Variants in MNAT1 observed in about 807,000 individuals in gnomAD.
MNAT1 encodes CDK-activating kinase assembly factor MAT1.
Under a neutral mutation model 42.0 loss-of-function variants are expected in MNAT1, and 43 were observed. The observed-to-expected ratio is 1.02, with a 90% confidence interval of 0.80 to 1.32. The LOEUF is 1.32. MNAT1 is among the 40% of genes most tolerant of loss of function. MNAT1 has a pLI of 0.00. For synonymous variants in MNAT1, 118 were observed against 120.0 expected (o/e 0.98, Z 0.11); for missense variants, 306 against 350.4 (o/e 0.87, Z 1.01).
At chr14:60,934,402 G>T (rs1045055688) in intron 7 of MNAT1, among the ~76,000 whole-genome samples, 3 of 152,168 alleles carry the variant, frequency 2.0e-5, no homozygotes, top group Non-Finnish European at 4.4e-5. Flanking sequence ...ACCATGATAT[G>T]GTTTGGCTGT....
intron 1 of MNAT1, among the ~76,000 whole-genome samples, chr14:60,758,793 C>T (rs537267132): frequency 3.3e-5 from 5 of 152,200 alleles, no homozygotes; most frequent in East Asian, 3.9e-4. Context: ...CTAGAAGTGT[C>T]GCTTTGAAAG....
At chr14:60,852,020 A>T (rs1463049457) in intron 6 of MNAT1, among the ~76,000 whole-genome samples, 1 of 152,106 alleles carries the variant, frequency 6.6e-6, no homozygotes, top group Non-Finnish European at 1.5e-5. Flanking sequence ...ATACGTGTGC[A>T]TGTGTCTTTA....
At chr14:60,944,806 G>C (rs936855441) in intron 7 of MNAT1, among the ~76,000 whole-genome samples, 3 of 152,144 alleles carry the variant, frequency 2.0e-5, no homozygotes, top group Non-Finnish European at 4.4e-5. Flanking sequence ...TTTTCTAGGA[G>C]AAATTATCTC....
rs2034377959 is a variant in MNAT1, at chr14:60,873,714, T to C, written c.688-6000T>C. On this transcript the variant is annotated intron_variant, in intron 6 of 7. Transcript: ENST00000261245. Reference sequence around the variant, plus strand: ...TCAAGCACCTGGGCTCAAACTATCATCCCACCTTGATCTTTCAAAATGTTA... The same window carrying C: ...TCAAGCACCTGGGCTCAAACTATCACCCCACCTTGATCTTTCAAAATGTTA... 3.3e-5 allele frequency among the ~76,000 whole-genome samples: 5 copies of C among 151,100 alleles called. No homozygotes were observed. The Admixed American group carries it at 3.3e-4, about 10-fold the overall frequency.
chr14:60,783,793 C>T (rs1013448396), intron 1 of MNAT1, among the ~76,000 whole-genome samples: 2 of 152,096 alleles, frequency 1.3e-5, no homozygotes, highest in Admixed American at 6.6e-5. Context: ...TGAGCCACCG[C>T]GCCCGGCCTT....
intron 7 of MNAT1, among the ~76,000 whole-genome samples, chr14:60,900,442 A>T (rs914510678): frequency 6.6e-6 from 1 of 152,222 alleles, no homozygotes; most frequent in African/African-American, 2.4e-5. Context: ...CAATCCCTTA[A>T]ACCAAAGCCT....
At chr14:60,860,353 T>TC (rs1454054643) in intron 6 of MNAT1, among the ~76,000 whole-genome samples, 1 of 50,158 alleles carries the variant, frequency 2.0e-5, no homozygotes, top group Non-Finnish European at 4.8e-5. Context: ...CTTTTTCTTT[T>TC]CTTTTTTTTT....
chr14:60,903,046 A>G (rs1283672965), intron 7 of MNAT1, among the ~76,000 whole-genome samples: 2 of 151,966 alleles, frequency 1.3e-5, no homozygotes, highest in Admixed American at 6.6e-5. Flanking sequence ...GACCAAGTAT[A>G]ATTCTAATAA....
chr14:60,920,920 C>G (rs1037415972), intron 7 of MNAT1, among the ~76,000 whole-genome samples: 1 of 152,164 alleles, frequency 6.6e-6, no homozygotes, highest in Non-Finnish European at 1.5e-5. Flanking sequence ...TTCAACCTTT[C>G]AAATGTAAAA....
At position 60,968,480 on chromosome 14, in the gene MNAT1, A is replaced by C. The variant is rs2036724185; in HGVS notation, c.*131A>C. 2 of 1,510,004 alleles carry C rather than the reference A, an allele frequency of 1.3e-6. No individual in the cohort carries two copies. The highest frequency in any genetic ancestry group is 1.4e-5 in the African/African-American group (1 of 71,498). 93.5% of individuals were successfully genotyped at this position (1,510,004 alleles called of 1,614,324 possible). ...TAGCAGCTGTGTTAAAGTATTTATA[A>C]GGAGAAAATTTCAGAACTAAGTTGA... is the stretch of plus-strand genomic sequence containing the variant. On this transcript the variant is annotated 3_prime_UTR_variant, in exon 8 of 8. Transcript: ENST00000261245.
intron 6 of MNAT1, among the ~76,000 whole-genome samples, chr14:60,874,870 G>A (rs993174375): frequency 1.3e-5 from 2 of 152,046 alleles, no homozygotes; most frequent in Admixed American, 1.3e-4. Flanking sequence ...GACCTGTTAA[G>A]CCATTATCTG....
rs1297936490 is a variant in MNAT1 at position 60,911,477 on chromosome 14, C to G, written c.809+31642C>G. ...TGGGCACTTAGTGCTATAAAGTTCC[C>G]TCTACACACTGCTTTGAATGTGTCC... On this transcript the variant is annotated intron_variant, in intron 7 of 7. Coordinates refer to ENST00000261245, the MANE Select transcript of MNAT1 (RefSeq NM_002431.4). 5.3e-5 allele frequency among the ~76,000 whole-genome samples: 8 copies of G among 152,192 alleles called. No individual in the cohort carries two copies. The East Asian group carries it at 1.5e-3, about 29-fold the overall frequency.
chr14:60,749,675 A>T (rs1436025457), intron 1 of MNAT1, among the ~76,000 whole-genome samples: 1 of 151,758 alleles, frequency 6.6e-6, no homozygotes, highest in Non-Finnish European at 1.5e-5. Flanking sequence ...TACTCTATAA[A>T]GAGTTATTTT....
Position 60,787,780 on chromosome 14 carries a change from T to G in MNAT1, c.90-8437T>G, listed in dbSNP as rs150837632. Among the ~76,000 whole-genome samples the G allele has an allele frequency of 5.1e-3, 780 of 152,266 alleles. 14 individuals carry two copies. The highest frequency in any genetic ancestry group is 0.018 in the African/African-American group (732 of 41,550). On this transcript the variant is annotated intron_variant, in intron 1 of 7. Transcript: ENST00000261245. ...CTAAGAAGCCCAAACTCCTCATTTG[T>G]TCAAGTTTGATCATGAGATTGCAGC...
intron 7 of MNAT1, among the ~76,000 whole-genome samples, chr14:60,922,277 G>A (rs994309460): frequency 1.9e-4 from 29 of 152,108 alleles, no homozygotes; most frequent in Admixed American, 1.6e-3. Flanking sequence ...TTAATAAGTA[G>A]TTTTCTATTG....
intron 7 of MNAT1, among the ~76,000 whole-genome samples, chr14:60,937,053 A>G (rs10467811): frequency 0.92 from 138,725 of 150,800 alleles, 64,330 homozygotes; most frequent in Non-Finnish European, 0.99. Context: ...CATATCCTTC[A>G]CCCACTTGTT....
intron 6 of MNAT1, among the ~76,000 whole-genome samples, chr14:60,819,454 A>G (rs1351041845): frequency 6.6e-6 from 1 of 151,748 alleles, no homozygotes; most frequent in Non-Finnish European, 1.5e-5. Flanking sequence ...TAATATTTAG[A>G]TGTTTGAGAT....
intron 7 of MNAT1, among the ~76,000 whole-genome samples, chr14:60,936,670 G>C (rs1225606510): frequency 6.6e-6 from 1 of 152,078 alleles, no homozygotes; most frequent in African/African-American, 2.4e-5. Flanking sequence ...ATTGTGAATA[G>C]TGCTGCAATA....
At chr14:60,943,966 T>G (rs2036226135) in intron 7 of MNAT1, among the ~76,000 whole-genome samples, 1 of 152,218 alleles carries the variant, frequency 6.6e-6, no homozygotes, top group South Asian at 2.1e-4. Context: ...GTTTTGTATA[T>G]AGGATGAACA....
Sources: gnomAD v4.1 joint callset for allele counts (sites outside exome capture counted in the v4.1 genomes callset) on GRCh38, gnomAD v4.1.1 for gene constraint, MANE v1.5 for transcripts, NCBI Gene and HGNC (gene_info 2026-07-23, HGNC 2026-07-21) for gene names.